Variants in CTNNA3 observed in about 807,000 individuals in gnomAD.
CTNNA3 encodes catenin alpha-3.
CTNNA3 carries 76 observed loss-of-function variants against 95.7 expected under a neutral mutation model. The ratio of observed to expected loss-of-function variants is 0.79; its 90% CI spans 0.66 to 0.96. CTNNA3 has a LOEUF of 0.96. CTNNA3 is among the 40% of genes least tolerant of loss of function. The probability of loss-of-function intolerance (pLI) is 0.00; values close to 1 mark genes in which losing one functional copy is unlikely to be tolerated. For missense variants in CTNNA3, 1,191 were observed against 1,089.8 expected (o/e 1.09, Z -1.31); for synonymous variants, 431 against 374.4 (o/e 1.15, Z -1.74).
At chr10:67,088,281 C>A (rs776319929) in intron 7 of CTNNA3, among the ~76,000 whole-genome samples, 10 of 151,666 alleles carry the variant, frequency 6.6e-5, no homozygotes, top group Non-Finnish European at 1.0e-4. Flanking sequence ...AGCAAACCTT[C>A]ACTGAAGGAA....
chr10:66,949,690 T>C (rs1848440799), intron 7 of CTNNA3, among the ~76,000 whole-genome samples: 2 of 152,200 alleles, frequency 1.3e-5, no homozygotes, highest in Non-Finnish European at 1.5e-5. Context: ...CAAATGCTTA[T>C]AGTATGTGAA....
At chr10:66,893,758 T>C (rs1198129767) in intron 7 of CTNNA3, among the ~76,000 whole-genome samples, 1 of 152,126 alleles carries the variant, frequency 6.6e-6, no homozygotes, top group African/African-American at 2.4e-5. Flanking sequence ...AATACTCAAA[T>C]TATTCTGGCT....
Position 67,179,495 on chromosome 10 carries a change from A to C in CTNNA3, c.1047+822T>G, listed in dbSNP as rs1402019319. On this transcript the variant is annotated intron_variant, in intron 7 of 17. Transcript: ENST00000433211. ...CAATATTTCTGATAGCTAAAACTTCAAAAAAAAAAAAAAAAAAAACTAGAC... is the reference window on the plus strand; with the variant it reads ...CAATATTTCTGATAGCTAAAACTTCCAAAAAAAAAAAAAAAAAAACTAGAC... Among the ~76,000 whole-genome samples, 3 of 63,064 alleles carry C rather than the reference A, an allele frequency of 4.8e-5. No individual in the cohort carries two copies. In the African/African-American group the frequency reaches 5.6e-4, roughly 12 times the overall value. 41.4% of individuals were successfully genotyped at this position (63,064 alleles called of 152,430 possible).
chr10:66,179,279 G>A (rs995191784), intron 13 of CTNNA3, among the ~76,000 whole-genome samples: 3 of 151,912 alleles, frequency 2.0e-5, no homozygotes, highest in Non-Finnish European at 2.9e-5. Context: ...CCAGACTTAC[G>A]TTGAGTGAAA....
intron 13 of CTNNA3, among the ~76,000 whole-genome samples, chr10:66,248,082 C>T (rs144233380): frequency 6.6e-6 from 1 of 151,950 alleles, no homozygotes; most frequent in African/African-American, 2.4e-5. Flanking sequence ...TACATAAAAA[C>T]ATAAAAAGTT....
intron 13 of CTNNA3, among the ~76,000 whole-genome samples, chr10:66,129,583 A>T (rs1284768418): frequency 1.3e-5 from 2 of 152,044 alleles, no homozygotes; most frequent in African/African-American, 4.8e-5. Context: ...TGCCTCTGAG[A>T]TGGGGTTGAT....
intron 1 of CTNNA3, among the ~76,000 whole-genome samples, chr10:67,679,629 A>G (rs545153544): frequency 1.3e-5 from 2 of 152,336 alleles, no homozygotes; most frequent in Admixed American, 1.3e-4. Context: ...ATTAGGAGCC[A>G]CTCATAGTAA....
chr10:67,437,142 T>C (rs1846329951), intron 5 of CTNNA3, among the ~76,000 whole-genome samples: 1 of 152,112 alleles, frequency 6.6e-6, no homozygotes, highest in South Asian at 2.1e-4. Context: ...TATGCAGCTA[T>C]AAAAAGGAAT....
At chr10:66,102,444 T>C (rs975910236) in intron 14 of CTNNA3, among the ~76,000 whole-genome samples, 10 of 152,168 alleles carry the variant, frequency 6.6e-5, no homozygotes, top group Non-Finnish European at 1.2e-4. Context: ...GAGAAGCTAA[T>C]TGACTTTCCC....
chr10:67,669,164 C>T (rs1840386248), intron 1 of CTNNA3, among the ~76,000 whole-genome samples: 2 of 152,106 alleles, frequency 1.3e-5, no homozygotes, highest in Non-Finnish European at 2.9e-5. Flanking sequence ...CAGCAGTGGG[C>T]TCTTAGCAGG....
chr10:65,921,553 A>G (rs1267849825), intron 17 of CTNNA3, among the ~76,000 whole-genome samples: 3 of 152,242 alleles, frequency 2.0e-5, no homozygotes, highest in Non-Finnish European at 4.4e-5. Flanking sequence ...CAAGACTGTT[A>G]CCAGACATAC....
intron 15 of CTNNA3, among the ~76,000 whole-genome samples, chr10:66,034,270 C>A (rs2079514435): frequency 6.6e-6 from 1 of 151,898 alleles, no homozygotes; most frequent in Non-Finnish European, 1.5e-5. Context: ...TCATGGGAAG[C>A]ATTACCTGAA....
intron 5 of CTNNA3, among the ~76,000 whole-genome samples, chr10:67,335,807 G>A (rs886395257): frequency 2.0e-5 from 3 of 151,862 alleles, no homozygotes; most frequent in Admixed American, 6.6e-5. Flanking sequence ...TATCGACAAC[G>A]TTGAGAACTT....
At chr10:66,424,933 A>T (rs7077262) in intron 11 of CTNNA3, among the ~76,000 whole-genome samples, 58,023 of 151,824 alleles carry the variant, frequency 0.38, 11,651 homozygotes, top group African/African-American at 0.5. Flanking sequence ...CTGTGCAACA[A>T]AGCAAGACCC....
intron 5 of CTNNA3, among the ~76,000 whole-genome samples, chr10:67,384,643 GCTCC>G (rs1341105209): frequency 6.6e-6 from 1 of 152,158 alleles, no homozygotes; most frequent in Non-Finnish European, 1.5e-5. Context: ...AACTGAAACA[GCTCC>G]CTAAGGCTAG....
intron 15 of CTNNA3, among the ~76,000 whole-genome samples, chr10:65,999,579 G>T (rs2078731069): frequency 6.6e-6 from 1 of 152,118 alleles, no homozygotes; most frequent in Admixed American, 6.5e-5. Flanking sequence ...TGCCTGGCAA[G>T]CTTCCTACTG....
intron 9 of CTNNA3, among the ~76,000 whole-genome samples, chr10:66,744,994 C>T (rs1275293343): frequency 6.6e-6 from 1 of 152,146 alleles, no homozygotes; most frequent in Non-Finnish European, 1.5e-5. Context: ...CACAAAAGCT[C>T]TTTAAAAGCT....
chr10:65,991,210 C>T (rs2078538413), intron 15 of CTNNA3, among the ~76,000 whole-genome samples: 2 of 151,928 alleles, frequency 1.3e-5, no homozygotes, highest in South Asian at 4.1e-4. Context: ...TTTTCCTGTT[C>T]TTTTCCTCAG....
intron 5 of CTNNA3, among the ~76,000 whole-genome samples, chr10:67,223,078 T>C (rs1864731312): frequency 6.6e-6 from 1 of 152,124 alleles, no homozygotes; most frequent in African/African-American, 2.4e-5. Flanking sequence ...CCTTGACGCC[T>C]GCGAAAAAGG....
Sources: allele counts gnomAD v4.1 joint callset (sites outside exome capture counted in the v4.1 genomes callset), GRCh38; gene constraint gnomAD v4.1.1; transcripts MANE v1.5; gene names NCBI Gene and HGNC (gene_info 2026-07-23, HGNC 2026-07-21).